The following MAGI1 variants were observed in gnomAD, a reference collection of about 807,000 sequenced individuals.
The protein encoded by MAGI1 is membrane-associated guanylate kinase, WW and PDZ domain-containing protein 1.
A neutral mutation model predicts 139.9 loss-of-function variants in MAGI1; 58 were observed. The ratio of observed to expected loss-of-function variants is 0.41; its 90% CI spans 0.34 to 0.52. The LOEUF is 0.52. Among genes scored for constraint, MAGI1 ranks in the 20% least tolerant of loss-of-function variants. The pLI, the probability that MAGI1 is intolerant of heterozygous loss-of-function variation, is 0.12. For missense variants in MAGI1, 1,874 were observed against 1,901.6 expected (o/e 0.99, Z 0.27); for synonymous variants, 812 against 737.9 (o/e 1.10, Z -1.63).
At chr3:65,594,676 A>T (rs900351955) in intron 2 of MAGI1, among the ~76,000 whole-genome samples, 1 of 151,846 alleles carries the variant, frequency 6.6e-6, no homozygotes, top group Non-Finnish European at 1.5e-5. Context: ...AACATAAGAA[A>T]TTTTTTTTTC....
chr3:65,543,757 G>GC (rs1178817044), intron 2 of MAGI1, among the ~76,000 whole-genome samples: 4 of 146,054 alleles, frequency 2.7e-5, no homozygotes, highest in Non-Finnish European at 5.9e-5. Context: ...GTCAGGGATG[G>GC]GGGGGGGTAC....
intron 2 of MAGI1, among the ~76,000 whole-genome samples, chr3:65,537,500 C>T (rs1452911034): frequency 6.6e-6 from 1 of 152,058 alleles, no homozygotes; most frequent in African/African-American, 2.4e-5. Context: ...ATCTTTATCT[C>T]CTCATAGTTT....
chr3:65,595,460 G>T (rs1404788732), intron 2 of MAGI1, among the ~76,000 whole-genome samples: 3 of 152,122 alleles, frequency 2.0e-5, no homozygotes, highest in Non-Finnish European at 4.4e-5. Flanking sequence ...GACACACCAG[G>T]GGCCACCTCA....
chr3:65,481,466 G>C (rs1411687993), intron 3 of MAGI1, among the ~76,000 whole-genome samples: 1 of 152,046 alleles, frequency 6.6e-6, no homozygotes, highest in African/African-American at 2.4e-5. Flanking sequence ...AAAATAATCT[G>C]CATAGTGAGA....
intron 1 of MAGI1, among the ~76,000 whole-genome samples, chr3:65,668,481 A>T (rs1186094166): frequency 6.6e-6 from 1 of 152,272 alleles, no homozygotes; most frequent in South Asian, 2.1e-4. Flanking sequence ...TTAAAAATAT[A>T]AACTTTATTT....
intron 18 of MAGI1, 70 bp downstream of exon 18, chr3:65,375,675 G>C (rs1942447110): frequency 3.1e-6 from 4 of 1,286,832 alleles, no homozygotes; most frequent in Admixed American, 1.9e-5. Context: ...GAGAGAAAGA[G>C]AAAAGGAAAA....
intron 2 of MAGI1, among the ~76,000 whole-genome samples, chr3:65,510,725 ACT>A (rs1409673526): frequency 9.6e-6 from 1 of 104,306 alleles, no homozygotes; most frequent in African/African-American, 3.7e-5. Context: ...GTTGGAAAAC[ACT>A]CTGCAGGATA....
chr3:65,524,569 A>G (rs17073046), intron 2 of MAGI1, among the ~76,000 whole-genome samples: 48,438 of 152,108 alleles, frequency 0.32, 8,921 homozygotes, highest in East Asian at 0.66. Flanking sequence ...ACCATGCTCA[A>G]ATAGAAACGA....
intron 2 of MAGI1, among the ~76,000 whole-genome samples, chr3:65,582,965 C>T (rs79560643): frequency 0.025 from 3,866 of 152,202 alleles, 82 homozygotes; most frequent in Admixed American, 0.054. Flanking sequence ...TTTTAAGTTA[C>T]GTAATGTTAA....
intron 1 of MAGI1, among the ~76,000 whole-genome samples, chr3:65,894,169 T>C (rs981828955): frequency 6.6e-6 from 1 of 152,146 alleles, no homozygotes; most frequent in Non-Finnish European, 1.5e-5. Context: ...ATCTCAAAGT[T>C]GTAAGAACAG....
chr3:66,024,018 T>C (rs1410289427), intron 1 of MAGI1, among the ~76,000 whole-genome samples: 2 of 152,290 alleles, frequency 1.3e-5, no homozygotes, highest in South Asian at 4.1e-4. Flanking sequence ...ACATGGACTA[T>C]AATGCCAAAG....
At chr3:65,827,132 G>A (rs993272820) in intron 1 of MAGI1, among the ~76,000 whole-genome samples, 2 of 152,182 alleles carry the variant, frequency 1.3e-5, no homozygotes, top group Non-Finnish European at 2.9e-5. Context: ...CCAGTCCCAA[G>A]GAACCAGGGG....
chr3:65,627,196 T>C (rs1260445851), intron 1 of MAGI1, among the ~76,000 whole-genome samples: 1 of 152,188 alleles, frequency 6.6e-6, no homozygotes, highest in Non-Finnish European at 1.5e-5. Flanking sequence ...AGTAACATAC[T>C]GTGCAGATTG....
At chr3:65,663,854 C>T in intron 1 of MAGI1, among the ~76,000 whole-genome samples, 1 of 152,114 alleles carries the variant, frequency 6.6e-6, no homozygotes, top group Non-Finnish European at 1.5e-5. Flanking sequence ...AAAAATGTCT[C>T]CAGACATTGC....
intron 13 of MAGI1, among the ~76,000 whole-genome samples, chr3:65,394,842 C>T (rs1944255746): frequency 6.6e-6 from 1 of 152,108 alleles, no homozygotes; most frequent in Non-Finnish European, 1.5e-5. Context: ...TCCCAGAAGA[C>T]TAGGGGCATG....
intron 21 of MAGI1, among the ~76,000 whole-genome samples, chr3:65,362,138 C>G (rs946826901): frequency 6.6e-6 from 1 of 152,184 alleles, no homozygotes; most frequent in Admixed American, 6.5e-5. Flanking sequence ...CTGATTTGCT[C>G]CCAGTACTTT....
intron 1 of MAGI1, among the ~76,000 whole-genome samples, chr3:66,028,560 C>T (rs572642118): frequency 5.3e-5 from 8 of 151,862 alleles, no homozygotes; most frequent in Admixed American, 2.0e-4. Context: ...GGAGCCCAGA[C>T]GTGGTACCAG....
intron 1 of MAGI1, among the ~76,000 whole-genome samples, chr3:65,825,881 G>A (rs1270286209): frequency 2.6e-5 from 4 of 152,172 alleles, no homozygotes; most frequent in South Asian, 2.1e-4. Context: ...CCAGCTACTC[G>A]GGAGGCTGAG....
At chr3:65,546,177 T>C (rs966554072) in intron 2 of MAGI1, among the ~76,000 whole-genome samples, 3 of 152,204 alleles carry the variant, frequency 2.0e-5, no homozygotes, top group African/African-American at 7.2e-5. Flanking sequence ...TACTTTGCTT[T>C]GTCTCGTTGA....
Sources: gnomAD v4.1 joint callset for allele counts (sites outside exome capture counted in the v4.1 genomes callset) on GRCh38, gnomAD v4.1.1 for gene constraint, MANE v1.5 for transcripts, NCBI Gene and HGNC (gene_info 2026-07-23, HGNC 2026-07-21) for gene names.